The following NSG2 variants were observed in gnomAD, a reference collection of about 807,000 sequenced individuals.
The protein encoded by NSG2 is neuronal vesicle trafficking-associated protein 2.
Under a neutral mutation model 16.9 loss-of-function variants are expected in NSG2, and 4 were observed. That is an observed-to-expected ratio of 0.24 (90% confidence interval 0.12 to 0.54). The LOEUF (loss-of-function observed/expected upper bound fraction) is 0.54. Among genes scored for constraint, NSG2 ranks in the 20% least tolerant of loss-of-function variants. The pLI is 0.95. For synonymous variants in NSG2, 98 were observed against 88.7 expected, an observed-to-expected ratio of 1.11 and a Z score of -0.59; for missense variants, 179 against 221.1, an observed-to-expected ratio of 0.81 and a Z score of 1.21.
chr5:174,059,826 C>T (rs1760022283), intron 2 of NSG2, among the ~76,000 whole-genome samples: 1 of 152,140 alleles, frequency 6.6e-6, no homozygotes, highest in African/African-American at 2.4e-5. Context: ...TTCAGCATAC[C>T]ATCCAGAGGA....
intron 2 of NSG2, among the ~76,000 whole-genome samples, chr5:174,062,890 T>A (rs952878952): frequency 1.3e-5 from 2 of 152,110 alleles, no homozygotes; most frequent in Non-Finnish European, 2.9e-5. Context: ...CCAGGGAAGG[T>A]TGGTGGGCGT....
At position 174,085,750 on chromosome 5, in the gene NSG2, G is replaced by A. The variant is rs1045785479; in HGVS notation, c.214-18478G>A. Reference sequence around the variant, plus strand: ...AAACGCTAGTGATTGACAAGTTTGCGGATGAAAGCTCCACATCCCAGGCCA... The same window carrying A: ...AAACGCTAGTGATTGACAAGTTTGCAGATGAAAGCTCCACATCCCAGGCCA... On this transcript the variant is annotated intron_variant, in intron 3 of 4. Coordinates refer to ENST00000303177, the MANE Select transcript of NSG2 (RefSeq NM_015980.5). Among the ~76,000 whole-genome samples the A allele has an allele frequency of 5.9e-4, 90 of 152,244 alleles. 1 individual carries two copies. Among genetic ancestry groups the A allele is most frequent in the Admixed American group, 8.5e-4 (13 of 15,300 alleles).
intron 2 of NSG2, among the ~76,000 whole-genome samples, chr5:174,063,656 A>G (rs1035608038): frequency 2.0e-5 from 3 of 151,866 alleles, no homozygotes; most frequent in East Asian, 1.9e-4. Context: ...ACAGGCATGC[A>G]ATGTGAAGCA....
chr5:174,064,333 G>A lies in NSG2; in HGVS notation c.213+18G>A, dbSNP rs767550097. ...AATTTACGGTCAGTTTCTTGATGGT[G>A]TAATAGAAAGAGTAAAGGAGAGGCT... is the stretch of plus-strand genomic sequence containing the variant. On this transcript the variant is annotated intron_variant, in intron 3 of 4. Coordinates refer to ENST00000303177, the MANE Select transcript of NSG2 (RefSeq NM_015980.5). 5.0e-6 allele frequency: 8 copies of A among 1,591,872 alleles called. No individual in the cohort carries two copies. The highest frequency in any genetic ancestry group is 6.0e-6 in the Non-Finnish European group (7 of 1,161,590).
rs761095105 is a variant in NSG2 at position 174,046,793 on chromosome 5, C to G, written c.38C>G (p.Thr13Ser). 4 of 1,614,076 alleles carry G rather than the reference C, an allele frequency of 2.5e-6. No individual in the cohort carries two copies. Among genetic ancestry groups the G allele is most frequent in the African/African-American group, 1.3e-5 (1 of 74,930 alleles). The change falls in exon 2 of 5, where the codon ACC becomes AGC. Residue 13 changes from threonine to serine, a missense_variant. Physicochemically the swap from Thr to Ser is moderately conservative, Grantham distance 58. Transcript: ENST00000303177. Reference sequence around the variant, plus strand: ...AACAGTAACCCCAGCGAGAAGGGAACCAAGCCGCCTTCAGTTGAGGATGGC... The same window carrying G: ...AACAGTAACCCCAGCGAGAAGGGAAGCAAGCCGCCTTCAGTTGAGGATGGC... ...KLNSNPSEKG[T>S]KPPSVEDGFQ...
intron 3 of NSG2, among the ~76,000 whole-genome samples, chr5:174,103,535 T>C (rs1055615200): frequency 8.5e-5 from 13 of 152,094 alleles, no homozygotes; most frequent in Admixed American, 5.2e-4. Context: ...GCACCAGTGC[T>C]GGGGCGCGGT....
At chr5:174,099,399 G>A (rs992074242) in intron 3 of NSG2, among the ~76,000 whole-genome samples, 1 of 151,998 alleles carries the variant, frequency 6.6e-6, no homozygotes, top group African/African-American at 2.4e-5. Flanking sequence ...CCACTGCCCC[G>A]TCTGGCCTCA....
rs1001512573 is a variant in NSG2 at position 174,107,658 on chromosome 5, G to T, written c.*153G>T. The T allele has an allele frequency of 6.1e-5, 48 of 781,822 alleles. No homozygotes were observed. The Admixed American group carries it at 9.4e-4, about 15-fold the overall frequency. The allele number at this position is 781,822 out of a possible 1,614,324, so 48.4% of individuals were successfully genotyped here. ...GGGGGAAGAACGCACCAAAAACGTG[G>T]TGTGTGCTGGAGTTGTCTGAACCGA... On this transcript the variant is annotated 3_prime_UTR_variant, in exon 5 of 5. Coordinates refer to ENST00000303177, the MANE Select transcript of NSG2 (RefSeq NM_015980.5). This position sits in a 1 kb window ranked among gnomAD's most constrained non-coding sequence, Gnocchi z 4.5.
At chr5:174,062,401 A>G (rs1760066569) in intron 2 of NSG2, among the ~76,000 whole-genome samples, 1 of 152,198 alleles carries the variant, frequency 6.6e-6, no homozygotes, top group African/African-American at 2.4e-5. Context: ...AAGTATGAGA[A>G]TTATTTTTCT....
chr5:174,086,464 G>A (rs1278566893), intron 3 of NSG2: 1 of 152,178 alleles, frequency 6.6e-6, no homozygotes, highest in Non-Finnish European at 1.5e-5. Flanking sequence ...ATTGTCTGGA[G>A]CTGTGCAGCT....
At chr5:174,051,317 A>G (rs932035037) in intron 2 of NSG2, among the ~76,000 whole-genome samples, 5 of 152,124 alleles carry the variant, frequency 3.3e-5, no homozygotes, top group Admixed American at 1.3e-4. Flanking sequence ...ACCCTGCCCT[A>G]GAGTCTTGCA....
At chr5:174,064,116 G>T (rs757652864) in intron 2 of NSG2, 116 bp from the exon 3 acceptor site, 5 of 656,296 alleles carry the variant, frequency 7.6e-6, no homozygotes, top group South Asian at 2.9e-5. Context: ...TTTGAAGGGG[G>T]GTTCTTTATT....
At chr5:174,057,540 G>A (rs191789150) in intron 2 of NSG2, among the ~76,000 whole-genome samples, 1 of 152,200 alleles carries the variant, frequency 6.6e-6, no homozygotes, top group Non-Finnish European at 1.5e-5. Context: ...ACTTTGTAGG[G>A]TTGTATTTTC....
At chr5:174,067,367 C>T (rs1420606736) in intron 3 of NSG2, among the ~76,000 whole-genome samples, 2 of 152,206 alleles carry the variant, frequency 1.3e-5, no homozygotes, top group Non-Finnish European at 2.9e-5. Flanking sequence ...ATGATGCCTG[C>T]AGTAGGTAAC....
At chr5:174,097,633 G>T (rs1272868887) in intron 3 of NSG2, among the ~76,000 whole-genome samples, 1 of 144,412 alleles carries the variant, frequency 6.9e-6, no homozygotes, top group Admixed American at 6.8e-5. Flanking sequence ...GTGTGTCTCT[G>T]TGTGTGTGTT....
intron 3 of NSG2, among the ~76,000 whole-genome samples, chr5:174,068,934 T>C (rs1760190912): frequency 6.7e-6 from 1 of 149,250 alleles, no homozygotes; most frequent in African/African-American, 2.5e-5. Context: ...GCTGGTGTCA[T>C]GGGGATCCTG....
chr5:174,045,914 C>G (rs1003013335), intron 1 of NSG2, 71 bp downstream of exon 1: 1 of 152,362 alleles, frequency 6.6e-6, no homozygotes, highest in Non-Finnish European at 1.5e-5. Context: ...CCACAACAAC[C>G]CTGTTTTGTC....
intron 2 of NSG2, among the ~76,000 whole-genome samples, chr5:174,048,316 T>G (rs1759832870): frequency 6.6e-6 from 1 of 152,072 alleles, no homozygotes; most frequent in Non-Finnish European, 1.5e-5. Context: ...TGTATCAGAG[T>G]CTCTGAGAGT....
chr5:174,054,993 TA>T (rs1482886464), intron 2 of NSG2, among the ~76,000 whole-genome samples: 2 of 152,232 alleles, frequency 1.3e-5, no homozygotes, highest in African/African-American at 4.8e-5. Context: ...GTCTAGTACG[TA>T]GTAGATGCTT....
Sources: gnomAD v4.1 joint callset for allele counts (sites outside exome capture counted in the v4.1 genomes callset) on GRCh38, gnomAD v4.1.1 for gene constraint, Gnocchi (gnomAD v3.1) non-coding constraint, MANE v1.5 for transcripts, NCBI Gene and HGNC (gene_info 2026-07-23, HGNC 2026-07-21) for gene names.